Variants in CFAP45 observed in about 807,000 individuals in gnomAD.
The protein encoded by CFAP45 is cilia and flagella associated protein 45.
A neutral mutation model predicts 75.6 loss-of-function variants in CFAP45; 43 were observed. The observed-to-expected ratio is 0.57, with a 90% CI of 0.45 to 0.73. The LOEUF is 0.73. Among genes scored for constraint, CFAP45 ranks in the 30% least tolerant of loss-of-function variants. The pLI is 0.00. For synonymous variants in CFAP45, 223 were observed against 244.6 expected, an observed-to-expected ratio of 0.91 and a Z score of 0.82; for missense variants, 689 against 701.5, an observed-to-expected ratio of 0.98 and a Z score of 0.20.
chr1:159,880,814 C>A, intron 7 of CFAP45, 114 bp from the exon 8 acceptor site: 1 of 917,588 alleles, frequency 1.1e-6, no homozygotes, highest in Non-Finnish European at 1.7e-6. Context: ...TGCCTGCAGT[C>A]TAGTGTCCAC....
intron 8 of CFAP45, 142 bp from the exon 9 acceptor site, chr1:159,877,604 C>G: frequency 1.5e-6 from 1 of 684,122 alleles, no homozygotes; most frequent in Non-Finnish European, 2.6e-6. Context: ...AGGCCAGGTG[C>G]CGTGGCTCAT....
rs766454855 is a variant in CFAP45 at position 159,876,677 on chromosome 1, G to C, written c.1231C>G (p.Arg411Gly). 78 of 1,614,046 alleles carry C rather than the reference G, an allele frequency of 4.8e-5. No individual in the cohort carries two copies. The highest frequency in any genetic ancestry group is 1.8e-4 in the South Asian group (16 of 91,076). Residue 411 changes from arginine to glycine, a missense_variant, in exon 10 of 12, where the codon CGG becomes GGG. Physicochemically the swap from Arg to Gly is moderately radical, Grantham distance 125. Transcript: ENST00000368099. Reference sequence around the variant, plus strand: ...TCAGCCTCTGTTTCCATCTTCTTCCGCGCATTTTCCTTTTCCTTTCTGCGC... The same window carrying C: ...TCAGCCTCTGTTTCCATCTTCTTCCCCGCATTTTCCTTTTCCTTTCTGCGC... ...EWRRKEKENA[R>G]KKMETEAELR...
At chr1:159,872,763 C>T (rs1480507333) in intron 11 of CFAP45, among the ~76,000 whole-genome samples, 181 bp downstream of exon 11, 1 of 152,210 alleles carries the variant, frequency 6.6e-6, no homozygotes, top group Non-Finnish European at 1.5e-5. Flanking sequence ...AGCAAGACCC[C>T]ATCCCAGGAC....
chr1:159,883,597 C>G (rs1227447853), intron 7 of CFAP45, among the ~76,000 whole-genome samples: 1 of 147,338 alleles, frequency 6.8e-6, no homozygotes, highest in African/African-American at 2.5e-5. Flanking sequence ...ATATCTGCAA[C>G]TTACTTTCAA....
intron 7 of CFAP45, among the ~76,000 whole-genome samples, chr1:159,881,810 G>C (rs1165240914): frequency 2.0e-5 from 3 of 152,168 alleles, no homozygotes; most frequent in Admixed American, 6.5e-5. Flanking sequence ...GTGCAGAGGG[G>C]CATCGGAATT....
chr1:159,885,498 T>A (rs1649655887), intron 6 of CFAP45, among the ~76,000 whole-genome samples: 1 of 152,202 alleles, frequency 6.6e-6, no homozygotes, highest in Non-Finnish European at 1.5e-5. Flanking sequence ...ATAAAGGTAA[T>A]TCATGTATTG....
chr1:159,876,718 ACCT>A lies in CFAP45; in HGVS notation c.1187_1189del (p.Glu396del). The A allele has an allele frequency of 6.2e-7, 1 of 1,613,992 alleles. No homozygotes were observed. Among genetic ancestry groups the A allele is most frequent in the Non-Finnish European group, 8.5e-7 (1 of 1,179,992 alleles). On this transcript the variant is annotated inframe_deletion, in exon 10 of 12. Coordinates refer to ENST00000368099, the MANE Select transcript of CFAP45 (RefSeq NM_012337.3). ...CTTTCTGCGCCACTCTCTGTCTGCA[ACCT>A]CCTGGTTGCGCTTGGCCCGCAAGGC...
intron 6 of CFAP45, among the ~76,000 whole-genome samples, chr1:159,885,184 T>C (rs1571184481): frequency 6.6e-6 from 1 of 151,726 alleles, no homozygotes; most frequent in Admixed American, 6.6e-5. Flanking sequence ...TAAACAGGAG[T>C]AAAGAGTAAA....
At chr1:159,882,583 T>C (rs1298501005) in intron 7 of CFAP45, among the ~76,000 whole-genome samples, 2 of 152,140 alleles carry the variant, frequency 1.3e-5, no homozygotes, top group African/African-American at 4.8e-5. Flanking sequence ...CATGAGATGA[T>C]ACAGTAGGTC....
chr1:159,888,634 A>G (rs1571186662), intron 3 of CFAP45, 138 bp from the exon 4 acceptor site: 3 of 737,144 alleles, frequency 4.1e-6, no homozygotes, highest in South Asian at 1.8e-5. Context: ...CAAGTGTGCC[A>G]TGGGTCCACT....
At chr1:159,881,952 G>T (rs1272200729) in intron 7 of CFAP45, among the ~76,000 whole-genome samples, 1 of 152,106 alleles carries the variant, frequency 6.6e-6, no homozygotes, top group African/African-American at 2.4e-5. Flanking sequence ...ATCCCTCCCT[G>T]GCCTTCCAGG....
At chr1:159,875,724 A>C (rs2101840677) in intron 10 of CFAP45, among the ~76,000 whole-genome samples, 1 of 152,314 alleles carries the variant, frequency 6.6e-6, no homozygotes, top group Admixed American at 6.5e-5. Context: ...TAGAGTCTGA[A>C]CCAGAGCAAA....
At chr1:159,873,194 T>G in intron 10 of CFAP45, 26 bp from the exon 11 acceptor site, 1 of 1,600,502 alleles carries the variant, frequency 6.2e-7, no homozygotes. Context: ...AGGAATGGAA[T>G]GAACTCAGCT....
At chr1:159,886,938 G>GCTGCATCTTTCAGGGAT (rs1649702703) in intron 5 of CFAP45, among the ~76,000 whole-genome samples, 1 of 152,190 alleles carries the variant, frequency 6.6e-6, no homozygotes, top group African/African-American at 2.4e-5. Flanking sequence ...CTTTCAGGGA[G>GCTGCATCTTTCAGGGAT]CTACATCTTA....
At chr1:159,897,821 C>T (rs1288406543) in intron 1 of CFAP45, among the ~76,000 whole-genome samples, 1 of 151,438 alleles carries the variant, frequency 6.6e-6, no homozygotes, top group East Asian at 1.9e-4. Context: ...AGCAATGGGC[C>T]TGGTGCCCGA....
chr1:159,890,462 A>C lies in CFAP45; in HGVS notation c.272+18T>G, dbSNP rs139288041. On this transcript the variant is annotated intron_variant, in intron 3 of 11. Coordinates refer to ENST00000368099, the MANE Select transcript of CFAP45 (RefSeq NM_012337.3). ...GGATGAGGACTGGACATAGAAGGGC[A>C]GGGGACGGTGTACTCACATGAGTTC... 4.1e-4 allele frequency: 654 copies of C among 1,613,506 alleles called. 2 individuals carry two copies. In the African/African-American group the frequency reaches 8.0e-3, roughly 20 times the overall value.
At chr1:159,893,583 G>A (rs943668835) in intron 1 of CFAP45, among the ~76,000 whole-genome samples, 5 of 152,172 alleles carry the variant, frequency 3.3e-5, no homozygotes, top group African/African-American at 1.2e-4. Flanking sequence ...AGAGTAGAAT[G>A]GTGGTTACCA....
chr1:159,874,120 A>G (rs538497479), intron 10 of CFAP45, among the ~76,000 whole-genome samples: 4 of 152,128 alleles, frequency 2.6e-5, no homozygotes, highest in African/African-American at 9.7e-5. Context: ...AAAACACTCA[A>G]ATGAAATGCA....
chr1:159,893,277 G>A lies in CFAP45; in HGVS notation c.32C>T (p.Ser11Phe). 1 of 1,613,678 alleles carries A rather than the reference G, an allele frequency of 6.2e-7. No individual in the cohort carries two copies. Among genetic ancestry groups the A allele is most frequent in the Non-Finnish European group, 8.5e-7 (1 of 1,179,968 alleles). Residue 11 changes from serine to phenylalanine, a missense_variant, in exon 2 of 12, where the codon TCC becomes TTC. Ser to Phe is a radical substitution (Grantham distance 155). Transcript: ENST00000368099. MPLSTAGILSSSSAASNRSRN... is the reference protein window; with the variant it reads MPLSTAGILSFSSAASNRSRN... ...TGACCTGTTGGAAGCGGCAGAAGAG[G>A]AGCTCAGGATGCCAGCTGTGCTTAG...
Sources: gnomAD v4.1 joint callset for allele counts (sites outside exome capture counted in the v4.1 genomes callset) on GRCh38, gnomAD v4.1.1 for gene constraint, MANE v1.5 for transcripts, NCBI Gene and HGNC (gene_info 2026-07-23, HGNC 2026-07-21) for gene names.